The following TRPC6 variants were observed in gnomAD, a reference collection of about 807,000 sequenced individuals.
TRPC6 encodes transient receptor potential cation channel subfamily C member 6.
In TRPC6, 55 loss-of-function variants were observed where a neutral mutation model predicts 90.7. The observed-to-expected ratio is 0.61, with a 90% CI of 0.49 to 0.76. The LOEUF is 0.76. Ranked by LOEUF, TRPC6 falls within the 30% of genes least tolerant of loss-of-function variation. The pLI, the probability that TRPC6 is intolerant of heterozygous loss-of-function variation, is 0.00. For missense variants in TRPC6, 989 were observed against 1,122.7 expected (o/e 0.88, Z 1.70); for synonymous variants, 393 against 393.0 (o/e 1.00, Z 0.00).
chr11:101,479,068 C>T (rs1045222797), intron 5 of TRPC6, among the ~76,000 whole-genome samples: 4 of 152,130 alleles, frequency 2.6e-5, no homozygotes, highest in African/African-American at 7.2e-5. Context: ...CTGGGTCTTA[C>T]ACCATGCCTC....
At chr11:101,536,981 T>C (rs1861064309) in intron 1 of TRPC6, among the ~76,000 whole-genome samples, 1 of 152,142 alleles carries the variant, frequency 6.6e-6, no homozygotes, top group Non-Finnish European at 1.5e-5. Context: ...AAAGGTAGAA[T>C]TGATAGGATT....
chr11:101,490,333 A>C (rs531172901), intron 3 of TRPC6, among the ~76,000 whole-genome samples: 1 of 152,218 alleles, frequency 6.6e-6, no homozygotes, highest in Non-Finnish European at 1.5e-5. Context: ...ACAATGGTTC[A>C]TTATTCTCCA....
chr11:101,483,953 G>A (rs962348417), intron 4 of TRPC6, among the ~76,000 whole-genome samples: 10 of 152,134 alleles, frequency 6.6e-5, no homozygotes, highest in Non-Finnish European at 7.4e-5. Flanking sequence ...GCAGAGTGAG[G>A]ATCTAGGATA....
At chr11:101,569,889 T>G (rs1467908082) in intron 1 of TRPC6, among the ~76,000 whole-genome samples, 1 of 152,146 alleles carries the variant, frequency 6.6e-6, no homozygotes, top group Admixed American at 6.5e-5. Context: ...GGGAAATTTA[T>G]ACCACTAAAT....
At chr11:101,548,819 T>C (rs1861387161) in intron 1 of TRPC6, among the ~76,000 whole-genome samples, 1 of 151,974 alleles carries the variant, frequency 6.6e-6, no homozygotes, top group South Asian at 2.1e-4. Flanking sequence ...ATACATATAC[T>C]ATTGAGTGAA....
At chr11:101,511,294 G>A (rs7127243) in intron 1 of TRPC6, among the ~76,000 whole-genome samples, 74,557 of 151,832 alleles carry the variant, frequency 0.49, 18,712 homozygotes, top group African/African-American at 0.55. Flanking sequence ...CTGGGGTTGA[G>A]GAAGCAATAA....
At chr11:101,558,470 C>T (rs938736026) in intron 1 of TRPC6, among the ~76,000 whole-genome samples, 2 of 66,956 alleles carry the variant, frequency 3.0e-5, no homozygotes, top group African/African-American at 1.1e-4. Flanking sequence ...TACACACACA[C>T]ACACACACAC....
intron 10 of TRPC6, among the ~76,000 whole-genome samples, chr11:101,465,339 A>T (rs113042073): frequency 6.6e-6 from 1 of 151,980 alleles, no homozygotes; most frequent in African/African-American, 2.4e-5. Flanking sequence ...GGCCTGTCTT[A>T]CTGGGTTGGG....
intron 1 of TRPC6, among the ~76,000 whole-genome samples, chr11:101,571,814 C>T (rs1181367007): frequency 6.6e-6 from 1 of 152,138 alleles, no homozygotes; most frequent in Non-Finnish European, 1.5e-5. Context: ...ACTGGCTAGC[C>T]ATATGCAGAA....
In TRPC6 at chr11:101,485,337, A is replaced by C. The variant is rs79766398; in HGVS notation, c.1294-2172T>G. Among the ~76,000 whole-genome samples, 160 of 152,222 alleles carry C rather than the reference A, an allele frequency of 1.1e-3. 1 individual carries two copies. In the East Asian group the frequency reaches 0.03, roughly 28 times the overall value. On this transcript the variant is annotated intron_variant, in intron 4 of 12. Coordinates refer to ENST00000344327, the MANE Select transcript of TRPC6 (RefSeq NM_004621.6). ...TCAATCAAACGATGGCAAAATTAAA[A>C]CAAATGGTATAAAAAGTAAGTTTGA...
At chr11:101,536,646 T>C (rs1861055111) in intron 1 of TRPC6, among the ~76,000 whole-genome samples, 1 of 152,054 alleles carries the variant, frequency 6.6e-6, no homozygotes, top group Admixed American at 6.5e-5. Flanking sequence ...GATCCTAGCA[T>C]GTTTGAGGAG....
At chr11:101,459,979 T>G (rs1858968325) in intron 10 of TRPC6, among the ~76,000 whole-genome samples, 1 of 152,172 alleles carries the variant, frequency 6.6e-6, no homozygotes, top group African/African-American at 2.4e-5. Flanking sequence ...ATGAGGAAAC[T>G]AAGGTTCAGA....
At chr11:101,556,096 A>T (rs1861554860) in intron 1 of TRPC6, among the ~76,000 whole-genome samples, 1 of 152,210 alleles carries the variant, frequency 6.6e-6, no homozygotes, top group Non-Finnish European at 1.5e-5. Flanking sequence ...GCTTATAGCA[A>T]TAAACACCTA....
intron 5 of TRPC6, 100 bp downstream of exon 5, chr11:101,482,849 G>A: frequency 8.2e-7 from 1 of 1,221,520 alleles, no homozygotes; most frequent in East Asian, 2.3e-5. Context: ...ACTGTATCAT[G>A]CTGCATACAT....
At chr11:101,564,396 C>G (rs972713799) in intron 1 of TRPC6, among the ~76,000 whole-genome samples, 2 of 152,128 alleles carry the variant, frequency 1.3e-5, no homozygotes, top group African/African-American at 2.4e-5. Flanking sequence ...ACTATACAAT[C>G]TTATGCTAAT....
chr11:101,563,100 A>G (rs1164609910), intron 1 of TRPC6, among the ~76,000 whole-genome samples: 4 of 152,180 alleles, frequency 2.6e-5, no homozygotes, highest in African/African-American at 9.7e-5. Flanking sequence ...AAATTAATTA[A>G]TGCTGAAAAG....
At chr11:101,533,331 A>G (rs565388118) in intron 1 of TRPC6, among the ~76,000 whole-genome samples, 62 of 152,188 alleles carry the variant, frequency 4.1e-4, no homozygotes, top group Non-Finnish European at 8.7e-4. Context: ...AAACAGGCAC[A>G]TCACATGGCA....
intron 10 of TRPC6, among the ~76,000 whole-genome samples, chr11:101,455,891 G>T (rs1858870899): frequency 6.6e-6 from 1 of 152,080 alleles, no homozygotes; most frequent in Non-Finnish European, 1.5e-5. Context: ...AAGGTGCTGT[G>T]CTAGGCTCTG....
chr11:101,487,524 C>T (rs551537865), intron 4 of TRPC6, among the ~76,000 whole-genome samples: 2 of 152,122 alleles, frequency 1.3e-5, no homozygotes, highest in African/African-American at 2.4e-5. Context: ...CCTGTCCCTC[C>T]CCTCTTCTGA....
Sources: allele counts gnomAD v4.1 joint callset (sites outside exome capture counted in the v4.1 genomes callset), GRCh38; gene constraint gnomAD v4.1.1; transcripts MANE v1.5; gene names NCBI Gene and HGNC (gene_info 2026-07-23, HGNC 2026-07-21).